PRKCH: variants seen among roughly 807,000 people sequenced by gnomAD.
PRKCH encodes protein kinase C eta type.
In PRKCH, 28 loss-of-function variants were observed where a neutral mutation model predicts 82.5. That is an observed-to-expected ratio of 0.34 (90% CI 0.25 to 0.47). PRKCH has a LOEUF of 0.47. Among genes scored for constraint, PRKCH ranks in the 20% least tolerant of loss-of-function variants. The pLI, the probability that PRKCH is intolerant of heterozygous loss-of-function variation, is 1.00. For synonymous variants in PRKCH, 322 were observed against 327.4 expected, an observed-to-expected ratio of 0.98 and a Z score of 0.18; for missense variants, 705 against 881.8, an observed-to-expected ratio of 0.80 and a Z score of 2.54.
chr14:61,341,489 T>A (rs991889353), intron 1 of PRKCH, among the ~76,000 whole-genome samples: 1 of 152,212 alleles, frequency 6.6e-6, no homozygotes, highest in Non-Finnish European at 1.5e-5. Flanking sequence ...CAGCATTCAC[T>A]GAGCACCTGC....
chr14:61,398,353 A>G (rs1400555327), intron 2 of PRKCH, among the ~76,000 whole-genome samples: 2 of 152,246 alleles, frequency 1.3e-5, no homozygotes, highest in African/African-American at 4.8e-5. Context: ...ATTAAACTAA[A>G]TTCATAACTG....
At chr14:61,328,251 C>T (rs1440760198) in intron 1 of PRKCH, among the ~76,000 whole-genome samples, 59 of 96,410 alleles carry the variant, frequency 6.1e-4, no homozygotes, top group East Asian at 1.2e-3. Flanking sequence ...AGCGAGACTC[C>T]GTCTCAAAAA....
At chr14:61,302,435 CTTCTG>C (rs1355092896) in intron 1 of PRKCH, among the ~76,000 whole-genome samples, 1 of 152,168 alleles carries the variant, frequency 6.6e-6, no homozygotes, top group African/African-American at 2.4e-5. Context: ...CTAGACATGG[CTTCTG>C]TTCCTAAGTT....
chr14:61,255,864 T>C (rs889875265), intron 1 of PRKCH, among the ~76,000 whole-genome samples: 10 of 152,134 alleles, frequency 6.6e-5, no homozygotes, highest in Non-Finnish European at 1.3e-4. Context: ...AGAGTGAACA[T>C]ATATACCCTT....
chr14:61,381,225 G>A (rs1459746292), intron 1 of PRKCH, among the ~76,000 whole-genome samples: 1 of 152,160 alleles, frequency 6.6e-6, no homozygotes, highest in Non-Finnish European at 1.5e-5. Context: ...ATGGCCTGGG[G>A]CTCTTTTCCA....
chr14:61,379,293 T>A (rs2046467080), intron 1 of PRKCH, among the ~76,000 whole-genome samples: 1 of 152,196 alleles, frequency 6.6e-6, no homozygotes, highest in East Asian at 1.9e-4. Flanking sequence ...AGCTTTCGTC[T>A]CCTTCCCTCC....
chr14:61,203,455 G>A (rs1418214545), intron 1 of PRKCH, among the ~76,000 whole-genome samples: 1 of 152,038 alleles, frequency 6.6e-6, no homozygotes, highest in Non-Finnish European at 1.5e-5. Flanking sequence ...GGGGCTTGGG[G>A]GGTACTCAAA....
chr14:61,409,557 C>T (rs1047341471), intron 2 of PRKCH, among the ~76,000 whole-genome samples: 4 of 151,528 alleles, frequency 2.6e-5, no homozygotes, highest in East Asian at 1.9e-4. Flanking sequence ...AAAAAAAATC[C>T]AGGCATGGTG....
rs367915817 is a variant in PRKCH at position 61,413,406 on chromosome 14, C to T, written c.427+22118C>T. On this transcript the variant is annotated intron_variant, in intron 2 of 13. Coordinates refer to ENST00000332981, the MANE Select transcript of PRKCH (RefSeq NM_006255.5). ...CCTTCATCATTTCTTTTTAAGCGCC[C>T]CCCCCCCGCCCCGCCCATGTACCCT... 3.8e-4 allele frequency among the ~76,000 whole-genome samples: 12 copies of T among 31,904 alleles called. 1 individual carries two copies. The highest frequency in any genetic ancestry group is 1.1e-3 in the Non-Finnish European group (9 of 8,122). 20.9% of individuals were successfully genotyped at this position (31,904 alleles called of 152,430 possible).
chr14:61,261,385 C>A (rs1325038568), intron 1 of PRKCH, among the ~76,000 whole-genome samples: 1 of 152,160 alleles, frequency 6.6e-6, no homozygotes, highest in Non-Finnish European at 1.5e-5. Flanking sequence ...CTCTTTACAG[C>A]CAAATCAACC....
chr14:61,304,554 G>GTGGC (rs1253109110), intron 1 of PRKCH: 1 of 151,996 alleles, frequency 6.6e-6, no homozygotes, highest in Non-Finnish European at 1.5e-5. Flanking sequence ...GCCAGGTGTG[G>GTGGC]TGGCTCACAC....
chr14:61,261,424 C>A (rs993128122), intron 1 of PRKCH, among the ~76,000 whole-genome samples: 2 of 152,188 alleles, frequency 1.3e-5, no homozygotes, highest in African/African-American at 4.8e-5. Flanking sequence ...AATGTCCCTA[C>A]CATCGGTCAC....
intron 10 of PRKCH, among the ~76,000 whole-genome samples, chr14:61,493,447 G>C (rs770521720): frequency 6.6e-6 from 1 of 152,196 alleles, no homozygotes; most frequent in African/African-American, 2.4e-5. Context: ...ATTCCACACA[G>C]TACTTACCAT....
intron 10 of PRKCH, among the ~76,000 whole-genome samples, chr14:61,513,679 A>T (rs919101505): frequency 6.6e-6 from 1 of 152,170 alleles, no homozygotes; most frequent in Non-Finnish European, 1.5e-5. Flanking sequence ...CATTTTTATT[A>T]TTAGATTCAG....
At chr14:61,409,028 C>T (rs1018771790) in intron 2 of PRKCH, among the ~76,000 whole-genome samples, 4 of 152,192 alleles carry the variant, frequency 2.6e-5, no homozygotes, top group African/African-American at 9.7e-5. Context: ...GTTCGCTAGG[C>T]CACAGGGAAT....
At chr14:61,217,879 T>A (rs2044626544) in intron 1 of PRKCH, among the ~76,000 whole-genome samples, 1 of 152,220 alleles carries the variant, frequency 6.6e-6, no homozygotes, top group African/African-American at 2.4e-5. Flanking sequence ...CTTTTAAACT[T>A]CTTTCAGGCT....
At chr14:61,361,421 A>G (rs905269734) in intron 1 of PRKCH, among the ~76,000 whole-genome samples, 11 of 152,248 alleles carry the variant, frequency 7.2e-5, no homozygotes, top group African/African-American at 2.2e-4. Flanking sequence ...TCTAACCAAC[A>G]TTACAAGTTT....
At chr14:61,319,600 G>T (rs1386916835), upstream of PRKCH, among the ~76,000 whole-genome samples, 2 of 152,302 alleles carry the variant, frequency 1.3e-5, no homozygotes, top group East Asian at 3.9e-4. Context: ...TACACCCCAT[G>T]ATTCTGTATG....
At position 61,397,317 on chromosome 14, in the gene PRKCH, G is replaced by T. The variant is rs2046800645; in HGVS notation, c.427+6029G>T. On this transcript the variant is annotated intron_variant, in intron 2 of 13. Coordinates refer to ENST00000332981, the MANE Select transcript of PRKCH (RefSeq NM_006255.5). The stretch of plus-strand genomic sequence containing the variant: ...AAACTGGGAGAAGATGATGAATCCA[G>T]CTTTGGACAAGTGGAGTTTGAGGTG... 2.0e-5 allele frequency among the ~76,000 whole-genome samples: 3 copies of T among 152,342 alleles called. No homozygotes were observed. In the South Asian group the frequency reaches 6.2e-4, roughly 32 times the overall value.
Sources: gnomAD v4.1 joint callset for allele counts (sites outside exome capture counted in the v4.1 genomes callset) on GRCh38, gnomAD v4.1.1 for gene constraint, MANE v1.5 for transcripts, NCBI Gene and HGNC (gene_info 2026-07-23, HGNC 2026-07-21) for gene names.